Variants in SEMA3A observed in about 807,000 individuals in gnomAD.
The protein encoded by SEMA3A is semaphorin-3A.
In SEMA3A, 29 loss-of-function variants were observed where a neutral mutation model predicts 97.9. That is an observed-to-expected ratio of 0.30 (90% confidence interval 0.22 to 0.40). The LOEUF (loss-of-function observed/expected upper bound fraction) is 0.40, where lower values mean the gene tolerates loss of function less well. Among genes scored for constraint, SEMA3A ranks in the 10% least tolerant of loss-of-function variants. The pLI, the probability that SEMA3A is intolerant of heterozygous loss-of-function variation, is 1.00. For synonymous variants in SEMA3A, 321 were observed against 323.7 expected, an observed-to-expected ratio of 0.99 and a Z score of 0.09; for missense variants, 763 against 951.3, an observed-to-expected ratio of 0.80 and a Z score of 2.60.
intron 1 of SEMA3A, among the ~76,000 whole-genome samples, chr7:84,144,333 G>A (rs377327078): frequency 6.6e-6 from 1 of 151,974 alleles, no homozygotes; most frequent in Non-Finnish European, 1.5e-5. Context: ...AAGAGCATAG[G>A]AAAGAAGAGG....
At chr7:84,088,914 G>GT (rs561696796) in intron 4 of SEMA3A, among the ~76,000 whole-genome samples, 134 of 147,738 alleles carry the variant, frequency 9.1e-4, no homozygotes, top group African/African-American at 2.3e-3. Context: ...TCATGTTAAT[G>GT]TTTTTTTTTC....
intron 13 of SEMA3A, among the ~76,000 whole-genome samples, chr7:83,981,946 G>A (rs1789430921): frequency 6.6e-6 from 1 of 151,732 alleles, no homozygotes; most frequent in Non-Finnish European, 1.5e-5. Context: ...ATATGGGAAG[G>A]GGCAAAATTT....
chr7:84,277,993 T>G (rs1209353078), intron 3 of SEMA3A, among the ~76,000 whole-genome samples: 1 of 152,136 alleles, frequency 6.6e-6, no homozygotes, highest in Non-Finnish European at 1.5e-5. Flanking sequence ...TCTTCAAATT[T>G]TTATACTCTG....
At chr7:84,037,690 T>C (rs1185615891) in intron 6 of SEMA3A, among the ~76,000 whole-genome samples, 1 of 152,120 alleles carries the variant, frequency 6.6e-6, no homozygotes, top group Non-Finnish European at 1.5e-5. Flanking sequence ...TGCACCCATA[T>C]TAATTTATAA....
intron 3 of SEMA3A, among the ~76,000 whole-genome samples, chr7:84,262,869 G>A (rs1799893237): frequency 6.6e-6 from 1 of 152,162 alleles, no homozygotes; most frequent in African/African-American, 2.4e-5. Context: ...AACGTGTATA[G>A]CCTCTGCCAG....
At chr7:84,452,905 C>A (rs1805593424) in intron 1 of SEMA3A, among the ~76,000 whole-genome samples, 2 of 148,128 alleles carry the variant, frequency 1.4e-5, no homozygotes, top group African/African-American at 2.5e-5. Context: ...TGAAAGCAAA[C>A]AAGGGCCTTT....
chr7:84,473,397 A>T (rs1459702194), intron 1 of SEMA3A, among the ~76,000 whole-genome samples: 1 of 148,812 alleles, frequency 6.7e-6, no homozygotes, highest in Admixed American at 6.7e-5. Flanking sequence ...TTATAATATT[A>T]TTATTATTAT....
chr7:84,361,630 T>TA (rs1802723048), intron 2 of SEMA3A, among the ~76,000 whole-genome samples: 1 of 152,022 alleles, frequency 6.6e-6, no homozygotes, highest in Non-Finnish European at 1.5e-5. Context: ...GGAAGACTCC[T>TA]AATTACTAAT....
intron 7 of SEMA3A, among the ~76,000 whole-genome samples, chr7:84,013,454 T>C (rs548103954): frequency 8.5e-5 from 13 of 152,330 alleles, no homozygotes; most frequent in Non-Finnish European, 1.6e-4. Flanking sequence ...TGTGTGTGTG[T>C]GTATATGTGT....
At chr7:84,283,577 A>AG (rs1800505575) in intron 3 of SEMA3A, among the ~76,000 whole-genome samples, 1 of 152,142 alleles carries the variant, frequency 6.6e-6, no homozygotes, top group African/African-American at 2.4e-5. Context: ...GGCAAAAAAA[A>AG]AAGAGGATAT....
At chr7:84,229,861 T>C (rs1368501334) in intron 3 of SEMA3A, among the ~76,000 whole-genome samples, 1 of 151,906 alleles carries the variant, frequency 6.6e-6, no homozygotes, top group Non-Finnish European at 1.5e-5. Context: ...AAAACAATTG[T>C]AGTAAAGAAC....
chr7:84,187,286 T>A (rs576948007), intron 1 of SEMA3A, among the ~76,000 whole-genome samples: 1 of 152,310 alleles, frequency 6.6e-6, no homozygotes, highest in African/African-American at 2.4e-5. Context: ...AGACTGAGAA[T>A]GGGATACTTT....
chr7:84,318,249 A>G lies in SEMA3A; in HGVS notation c.-168-10957T>C, dbSNP rs570097629. ...GATGATTTGTGATGATAATTTTGAA[A>G]CACAGTTTAAATAAGGAAACCATTA... is the stretch of plus-strand genomic sequence containing the variant. On this transcript the variant is annotated intron_variant, in intron 2 of 3. Coordinates refer to the SEMA3A transcript ENST00000424555. 6.6e-5 allele frequency among the ~76,000 whole-genome samples: 10 copies of G among 152,124 alleles called. No homozygotes were observed. The South Asian group carries it at 2.1e-3, about 32-fold the overall frequency.
At chr7:84,421,424 T>C (rs1163702104) in intron 1 of SEMA3A, among the ~76,000 whole-genome samples, 5 of 152,066 alleles carry the variant, frequency 3.3e-5, no homozygotes, top group Admixed American at 6.6e-5. Context: ...CTTGAAGAGA[T>C]ACAAGAAAAT....
intron 1 of SEMA3A, among the ~76,000 whole-genome samples, chr7:84,163,910 A>G (rs1428462844): frequency 2.0e-5 from 3 of 150,946 alleles, no homozygotes; most frequent in African/African-American, 4.9e-5. Flanking sequence ...CAATGGATCA[A>G]TCTCGGCTCA....
intron 6 of SEMA3A, among the ~76,000 whole-genome samples, chr7:84,036,047 G>C (rs965371632): frequency 6.6e-5 from 10 of 151,868 alleles, no homozygotes; most frequent in African/African-American, 2.4e-4. Flanking sequence ...TTTAGACAAA[G>C]GAAAGCTGCC....
intron 3 of SEMA3A, among the ~76,000 whole-genome samples, chr7:84,253,326 C>T (rs1388031592): frequency 1.3e-5 from 2 of 151,818 alleles, no homozygotes; most frequent in Non-Finnish European, 1.5e-5. Context: ...ACAGATCTAG[C>T]CTCAGCTTAT....
At chr7:84,177,414 T>C (rs934643925) in intron 1 of SEMA3A, among the ~76,000 whole-genome samples, 1 of 152,116 alleles carries the variant, frequency 6.6e-6, no homozygotes, top group Non-Finnish European at 1.5e-5. Flanking sequence ...CCATTATTGT[T>C]AAACAAGGTA....
At chr7:84,035,721 C>T (rs912536132) in intron 6 of SEMA3A, among the ~76,000 whole-genome samples, 2 of 151,888 alleles carry the variant, frequency 1.3e-5, no homozygotes, top group Admixed American at 6.6e-5. Flanking sequence ...TGTCAGTTAT[C>T]GAGCTTCTAC....
Sources: allele counts gnomAD v4.1 joint callset (sites outside exome capture counted in the v4.1 genomes callset), GRCh38; gene constraint gnomAD v4.1.1; transcripts MANE v1.5; gene names NCBI Gene and HGNC (gene_info 2026-07-23, HGNC 2026-07-21).